Variants in VIPAS39 observed in about 807,000 individuals in gnomAD.
The protein encoded by VIPAS39 is VPS33B interacting protein, apical-basolateral polarity regulator, spe-39 homolog.
A neutral mutation model predicts 84.7 loss-of-function variants in VIPAS39; 63 were observed. The ratio of observed to expected loss-of-function variants is 0.74; its 90% confidence interval spans 0.61 to 0.92. The LOEUF (loss-of-function observed/expected upper bound fraction) is 0.92, where lower values mean the gene tolerates loss of function less well. VIPAS39 is among the 40% of genes least tolerant of loss of function. The pLI is 0.00. For missense variants in VIPAS39, 499 were observed against 604.5 expected (o/e 0.83, Z 1.83); for synonymous variants, 192 against 216.5 (o/e 0.89, Z 0.99).
chr14:77,442,636 G>A lies in VIPAS39; in HGVS notation c.658C>T (p.Arg220Ter), dbSNP rs200370925. Residue 220 changes from arginine (R) to a stop codon, truncating the protein, a stop_gained, in exon 10 of 20, where the codon CGA becomes TGA. Coordinates refer to ENST00000557658, the MANE Select transcript of VIPAS39 (RefSeq NM_001193315.2). LOFTEE classifies it high-confidence loss of function. ...ATAAGATGTCTCAGGGCAACCTGTC[G>A]CACCTCCAGCTCTCGGAAGAGGATC... The part of the protein sequence containing the change: ...KEILFRELEV[R>*]QVALRHLIHF... The A allele has an allele frequency of 3.7e-6, 6 of 1,614,046 alleles. No homozygotes were observed. The highest frequency in any genetic ancestry group is 1.7e-5 in the Admixed American group (1 of 60,002).
rs993470070 is a variant in VIPAS39, at chr14:77,457,010, CAGGAACTTTACAA to C, written c.-1+472_-1+484del. The C allele has an allele frequency of 4.1e-6, 5 of 1,222,714 alleles. No homozygotes were observed. In the African/African-American group the frequency reaches 7.7e-5, roughly 19 times the overall value. 75.7% of individuals were successfully genotyped at this position (1,222,714 alleles called of 1,614,324 possible). Reference sequence around the variant, plus strand: ...CAGGGTGAGAGACCTCAGGGGAGAACAGGAACTTTACAAAGGAAAACAGAAGAATCAGCAAGAA... The same window carrying C: ...CAGGGTGAGAGACCTCAGGGGAGAACAGGAAAACAGAAGAATCAGCAAGAA... On this transcript the variant is annotated intron_variant, in intron 1 of 19. Coordinates refer to ENST00000557658, the MANE Select transcript of VIPAS39 (RefSeq NM_001193315.2).
chr14:77,445,666 C>G (rs1212244957), intron 7 of VIPAS39, among the ~76,000 whole-genome samples: 1 of 152,100 alleles, frequency 6.6e-6, no homozygotes, highest in Non-Finnish European at 1.5e-5. Flanking sequence ...TGGCCAAGTA[C>G]AGTGGCTCAC....
chr14:77,446,332 C>G (rs1052679676), intron 7 of VIPAS39, among the ~76,000 whole-genome samples: 3 of 151,980 alleles, frequency 2.0e-5, no homozygotes, highest in Admixed American at 1.3e-4. Flanking sequence ...GAGAGAGGGT[C>G]TCGCTCTCTC....
chr14:77,444,231 A>G lies in VIPAS39; in HGVS notation c.597+18T>C, dbSNP rs2078750207. ...GAAAACAATAATTAAACAAACAACA[A>G]CAAATCCGACAACTCACTGCAGTAA... is the stretch of plus-strand genomic sequence containing the variant. On this transcript the variant is annotated intron_variant, in intron 8 of 19. Coordinates refer to ENST00000557658, the MANE Select transcript of VIPAS39 (RefSeq NM_001193315.2). 1.2e-6 allele frequency: 2 copies of G among 1,609,524 alleles called. No individual in the cohort carries two copies. The highest frequency in any genetic ancestry group is 1.7e-6 in the Non-Finnish European group (2 of 1,176,296).
Position 77,428,490 on chromosome 14 carries a change from A to C in VIPAS39, c.1357-16T>G, listed in dbSNP as rs1467693327. On this transcript the variant is annotated splice_polypyrimidine_tract_variant and intron_variant, in intron 18 of 19. Transcript: ENST00000557658. The stretch of plus-strand genomic sequence containing the variant: ...CCCGGTAGGTCTGTGCATCAAAACA[A>C]ACAATACAAACCTCCAATCAGCCTC... The C allele has an allele frequency of 6.2e-7, 1 of 1,611,958 alleles. No individual in the cohort carries two copies. Among genetic ancestry groups the C allele is most frequent in the Non-Finnish European group, 8.5e-7 (1 of 1,178,484 alleles).
At chr14:77,455,765 C>A (rs2078951267) in intron 1 of VIPAS39, among the ~76,000 whole-genome samples, 1 of 152,198 alleles carries the variant, frequency 6.6e-6, no homozygotes, top group African/African-American at 2.4e-5. Context: ...TTGTTTTCAA[C>A]TCAGGGGATA....
intron 19 of VIPAS39, 61 bp from the exon 20 acceptor site, chr14:77,427,697 C>CA: frequency 6.2e-7 from 1 of 1,605,362 alleles, no homozygotes; most frequent in East Asian, 2.2e-5. Context: ...TACAGCAAGG[C>CA]AGAGAAAATG....
intron 1 of VIPAS39, among the ~76,000 whole-genome samples, chr14:77,454,676 A>AG (rs386381865): frequency 4.0e-4 from 1 of 2,476 alleles, no homozygotes; most frequent in South Asian, 0.071. Flanking sequence ...CTCCGTCTCC[A>AG]AAAAAAAAAA....
At chr14:77,450,838 T>A (rs542898560) in intron 4 of VIPAS39, among the ~76,000 whole-genome samples, 45 of 152,294 alleles carry the variant, frequency 3.0e-4, no homozygotes, top group Admixed American at 1.8e-3. Flanking sequence ...TAATTTTTTT[T>A]AAAAAACCAC....
chr14:77,427,558 C>T lies in VIPAS39; in HGVS notation c.*58G>A. ...CAGCTCTCCCAAAGAAGAGCTCTCT[C>T]TGCTTTCACAGGCAGGAGAGGAGGA... is the stretch of plus-strand genomic sequence containing the variant. On this transcript the variant is annotated 3_prime_UTR_variant, in exon 20 of 20. Coordinates refer to ENST00000557658, the MANE Select transcript of VIPAS39 (RefSeq NM_001193315.2). 6 of 1,611,646 alleles carry T rather than the reference C, an allele frequency of 3.7e-6. No individual in the cohort carries two copies. The South Asian group carries it at 4.4e-5, about 12-fold the overall frequency.
At chr14:77,455,063 A>G (rs547963538) in intron 1 of VIPAS39, among the ~76,000 whole-genome samples, 1 of 152,334 alleles carries the variant, frequency 6.6e-6, no homozygotes, top group South Asian at 2.1e-4. Context: ...CTGTTGGCCA[A>G]AATTTGAGAA....
chr14:77,433,341 C>T (rs2078553569), intron 16 of VIPAS39, among the ~76,000 whole-genome samples: 1 of 152,166 alleles, frequency 6.6e-6, no homozygotes, highest in African/African-American at 2.4e-5. Flanking sequence ...GCTGGGATTA[C>T]AGGTGCACAC....
At chr14:77,446,329 G>A (rs1181044562) in intron 7 of VIPAS39, among the ~76,000 whole-genome samples, 1 of 151,770 alleles carries the variant, frequency 6.6e-6, no homozygotes, top group Admixed American at 6.6e-5. Flanking sequence ...TTAGAGAGAG[G>A]GTCTCGCTCT....
intron 1 of VIPAS39, among the ~76,000 whole-genome samples, chr14:77,456,159 T>C (rs2078956876): frequency 6.6e-6 from 1 of 152,214 alleles, no homozygotes; most frequent in Non-Finnish European, 1.5e-5. Flanking sequence ...CTGTCTTGGT[T>C]TTCCCGTCTG....
rs114494575 is a variant in VIPAS39 at position 77,428,255 on chromosome 14, T to C, written c.1461+115A>G. ...ATTGTGGCCAGAGGAGAGCCTTACA[T>C]CCATGTGGCTTAGCCAACTGCAATC... On this transcript the variant is annotated intron_variant, in intron 19 of 19. Transcript: ENST00000557658. 2,342 of 877,574 alleles carry C rather than the reference T, an allele frequency of 2.7e-3. 31 individuals carry two copies. The African/African-American group carries it at 0.035, about 13-fold the overall frequency. 54.4% of individuals were successfully genotyped at this position (877,574 alleles called of 1,614,324 possible).
intron 16 of VIPAS39, among the ~76,000 whole-genome samples, chr14:77,431,186 G>A (rs1192083865): frequency 6.6e-6 from 1 of 152,088 alleles, no homozygotes; most frequent in African/African-American, 2.4e-5. Context: ...AAATAAATGG[G>A]ATTACATCAA....
At chr14:77,429,548 G>T in intron 17 of VIPAS39, 133 bp downstream of exon 17, 2 of 917,148 alleles carry the variant, frequency 2.2e-6, no homozygotes, top group African/African-American at 1.6e-5. Flanking sequence ...TCTGTCTTGA[G>T]GCCTATTGCA....
intron 16 of VIPAS39, among the ~76,000 whole-genome samples, chr14:77,431,774 A>G (rs1042207651): frequency 1.3e-5 from 2 of 152,238 alleles, no homozygotes; most frequent in Admixed American, 6.5e-5. Context: ...CCTCATAAAG[A>G]TACTTGCATT....
chr14:77,442,694 GATTA>G, intron 9 of VIPAS39, 32 bp from the exon 10 acceptor site: 1 of 1,596,316 alleles, frequency 6.3e-7, no homozygotes, highest in Non-Finnish European at 8.6e-7. Context: ...AGTTGAGAAA[GATTA>G]AAGCCAATTA....
Sources: gnomAD v4.1 joint callset for allele counts (sites outside exome capture counted in the v4.1 genomes callset) on GRCh38, gnomAD v4.1.1 for gene constraint, MANE v1.5 for transcripts, NCBI Gene and HGNC (gene_info 2026-07-23, HGNC 2026-07-21) for gene names.